The following ATOSA variants were observed in gnomAD, a reference collection of about 807,000 sequenced individuals.
The protein encoded by ATOSA is atos homolog A, also known as atos homolog protein A.
chr15:52,696,155 C>T, the ATOSA span, among the ~76,000 whole-genome samples: 1 of 152,136 alleles, frequency 6.6e-6, no homozygotes, highest in South Asian at 2.1e-4. Context: ...TGGAAACTAA[C>T]TAATGGTAGG....
chr15:52,638,443 C>A, the ATOSA span, among the ~76,000 whole-genome samples: 5 of 152,012 alleles, frequency 3.3e-5, no homozygotes, highest in Non-Finnish European at 7.4e-5. Context: ...ACAGTGGCTC[C>A]CAGCACTTTG....
the ATOSA span, among the ~76,000 whole-genome samples, chr15:52,667,459 C>G: frequency 2.6e-5 from 4 of 152,144 alleles, no homozygotes; most frequent in African/African-American, 9.7e-5. Flanking sequence ...GATATTAGTA[C>G]TATGTAAGTA....
the ATOSA span, among the ~76,000 whole-genome samples, chr15:52,696,689 G>C: frequency 6.6e-6 from 1 of 151,934 alleles, no homozygotes; most frequent in African/African-American, 2.4e-5. Flanking sequence ...CATGTCTCAA[G>C]GTATCATTTA....
the ATOSA span, among the ~76,000 whole-genome samples, chr15:52,643,249 C>T: frequency 7.2e-5 from 11 of 152,136 alleles, no homozygotes; most frequent in African/African-American, 1.4e-4. Context: ...TCAGATTTAA[C>T]GGTGGTTCCC....
At chr15:52,673,048 T>G in the ATOSA span, among the ~76,000 whole-genome samples, 26 of 152,280 alleles carry the variant, frequency 1.7e-4, no homozygotes, top group East Asian at 4.4e-3. Context: ...AGCCCCCTTT[T>G]GTCTTCCTCA....
the ATOSA span, among the ~76,000 whole-genome samples, chr15:52,666,621 C>G: frequency 7.9e-5 from 12 of 152,162 alleles, no homozygotes; most frequent in South Asian, 1.5e-3. Flanking sequence ...ATAACGTTGT[C>G]AAGTAATAAG....
the ATOSA span, among the ~76,000 whole-genome samples, chr15:52,698,046 G>A: frequency 2.2e-5 from 3 of 134,002 alleles, no homozygotes; most frequent in Non-Finnish European, 3.1e-5. Flanking sequence ...GCAAGGTCTC[G>A]GCTTACTGCA....
the ATOSA span, among the ~76,000 whole-genome samples, chr15:52,622,567 C>T: frequency 6.6e-6 from 1 of 152,084 alleles, no homozygotes; most frequent in African/African-American, 2.4e-5. Flanking sequence ...CTATCAGATG[C>T]TAAGTACTAT....
At chr15:52,623,935 A>G in the ATOSA span, among the ~76,000 whole-genome samples, 2 of 152,242 alleles carry the variant, frequency 1.3e-5, no homozygotes, top group African/African-American at 2.4e-5. Context: ...TGAGACTAAA[A>G]GAAGTTTTAA....
chr15:52,658,743 T>C, the ATOSA span: 4 of 385,518 alleles, frequency 1.0e-5, no homozygotes, highest in Non-Finnish European at 1.8e-5. Flanking sequence ...TACAGGAAGA[T>C]TGCTTGAGGA....
the ATOSA span, among the ~76,000 whole-genome samples, chr15:52,632,702 T>C: frequency 2.0e-5 from 3 of 152,326 alleles, no homozygotes; most frequent in East Asian, 5.8e-4. Flanking sequence ...ATAAACATAC[T>C]TCTCCATATG....
At chr15:52,639,866 T>A in the ATOSA span, among the ~76,000 whole-genome samples, 1 of 151,982 alleles carries the variant, frequency 6.6e-6, no homozygotes, top group African/African-American at 2.4e-5. Flanking sequence ...TTCTCCTGCC[T>A]CAGCCTCCCA....
chr15:52,688,658 A>C, the ATOSA span, among the ~76,000 whole-genome samples: 1 of 152,188 alleles, frequency 6.6e-6, no homozygotes, highest in Non-Finnish European at 1.5e-5. Context: ...AGACAGAAAA[A>C]GATTCTGCTC....
At chr15:52,656,693 G>C in the ATOSA span, 1 of 152,152 alleles carries the variant, frequency 6.6e-6, no homozygotes, top group South Asian at 2.1e-4. Flanking sequence ...TTATTTATAA[G>C]CTAAGCTACT....
the ATOSA span, among the ~76,000 whole-genome samples, chr15:52,644,891 T>C: frequency 1.3e-5 from 2 of 152,242 alleles, no homozygotes; most frequent in Admixed American, 6.5e-5. Context: ...TAAAGGATTA[T>C]AGATTGATCA....
chr15:52,680,366 A>G, the ATOSA span, among the ~76,000 whole-genome samples: 1 of 151,848 alleles, frequency 6.6e-6, no homozygotes, highest in Non-Finnish European at 1.5e-5. Context: ...TTTCATTAGA[A>G]AAAGTTTTTT....
chr15:52,597,180 A>G, the ATOSA span, among the ~76,000 whole-genome samples: 1,802 of 38,880 alleles, frequency 0.046, 44 homozygotes, highest in Admixed American at 0.064. Context: ...ATTCTATTCT[A>G]TTCTATTCTA....
chr15:52,653,654 C>T, the ATOSA span, among the ~76,000 whole-genome samples: 1 of 152,182 alleles, frequency 6.6e-6, no homozygotes, highest in Non-Finnish European at 1.5e-5. Flanking sequence ...CCATTATGAG[C>T]TTCAGTTTCC....
At chr15:52,698,124 G>C in the ATOSA span, among the ~76,000 whole-genome samples, 1 of 151,498 alleles carries the variant, frequency 6.6e-6, no homozygotes, top group Non-Finnish European at 1.5e-5. Flanking sequence ...CTACAGGCGC[G>C]TGCCACCATG....
Sources: allele counts gnomAD v4.1 joint callset (sites outside exome capture counted in the v4.1 genomes callset), GRCh38; gene constraint gnomAD v4.1.1; transcripts MANE v1.5; gene names NCBI Gene and HGNC (gene_info 2026-07-23, HGNC 2026-07-21).